Variants in GRID2 observed in about 807,000 individuals in gnomAD.
GRID2 encodes glutamate ionotropic receptor delta type subunit 2, also known as glutamate receptor ionotropic, delta-2.
A neutral mutation model predicts 114.8 loss-of-function variants in GRID2; 33 were observed. The observed-to-expected ratio is 0.29, with a 90% CI of 0.22 to 0.38. GRID2 has a LOEUF of 0.38. Among genes scored for constraint, GRID2 ranks in the 10% least tolerant of loss-of-function variants. GRID2 has a pLI of 1.00. For missense variants in GRID2, 1,184 were observed against 1,257.7 expected, an observed-to-expected ratio of 0.94 and a Z score of 0.89; for synonymous variants, 505 against 449.9, an observed-to-expected ratio of 1.12 and a Z score of -1.55.
intron 2 of GRID2, among the ~76,000 whole-genome samples, chr4:92,765,287 A>G (rs1459749326): frequency 6.6e-6 from 1 of 152,228 alleles, no homozygotes; most frequent in African/African-American, 2.4e-5. Context: ...CATGGAACTA[A>G]TTTCAGAGGA....
intron 8 of GRID2, among the ~76,000 whole-genome samples, chr4:93,334,978 A>G (rs1235974121): frequency 6.6e-6 from 1 of 152,156 alleles, no homozygotes; most frequent in East Asian, 1.9e-4. Flanking sequence ...GCTGTTTTTC[A>G]TAAACAATCA....
intron 8 of GRID2, among the ~76,000 whole-genome samples, chr4:93,316,339 A>AGAAAGAAAGAAAGAAAGAAGGAAG (rs1192535496): frequency 6.4e-4 from 35 of 55,010 alleles, no homozygotes; most frequent in African/African-American, 1.7e-3. Flanking sequence ...AAAGAAAGAA[A>AGAAAGAAAGAAAGAAAGAAGGAAG]GAAGGAAGGA....
intron 10 of GRID2, among the ~76,000 whole-genome samples, chr4:93,428,578 T>C (rs1236683000): frequency 1.3e-5 from 2 of 152,172 alleles, no homozygotes; most frequent in Non-Finnish European, 2.9e-5. Flanking sequence ...CAAAAATACT[T>C]TGGTGATCAA....
intron 2 of GRID2, among the ~76,000 whole-genome samples, chr4:92,974,773 G>A (rs1019913418): frequency 7.2e-5 from 11 of 151,964 alleles, no homozygotes; most frequent in African/African-American, 2.7e-4. Flanking sequence ...ACCAGGGCAC[G>A]TGTACATCTA....
At chr4:92,657,532 T>C (rs1732304091) in intron 2 of GRID2, among the ~76,000 whole-genome samples, 1 of 151,770 alleles carries the variant, frequency 6.6e-6, no homozygotes, top group South Asian at 2.1e-4. Context: ...GCTTAAATTA[T>C]ACCACTGGAT....
intron 2 of GRID2, among the ~76,000 whole-genome samples, chr4:92,928,749 C>A (rs576547243): frequency 3.3e-5 from 5 of 151,548 alleles, no homozygotes; most frequent in Non-Finnish European, 7.4e-5. Context: ...AAACACTGAA[C>A]AAAACATAGG....
intron 10 of GRID2, among the ~76,000 whole-genome samples, chr4:93,427,089 T>C (rs1468520908): frequency 1.3e-5 from 2 of 152,032 alleles, no homozygotes; most frequent in African/African-American, 4.8e-5. Context: ...AAGTTAAGGG[T>C]ACACAACATT....
intron 14 of GRID2, among the ~76,000 whole-genome samples, chr4:93,697,689 A>G (rs1727139889): frequency 1.3e-5 from 2 of 151,926 alleles, no homozygotes; most frequent in African/African-American, 2.4e-5. Context: ...CAAAATTTCA[A>G]TTAGATAAGT....
At chr4:93,700,008 A>G (rs1177450026) in intron 14 of GRID2, among the ~76,000 whole-genome samples, 3 of 152,198 alleles carry the variant, frequency 2.0e-5, no homozygotes, top group South Asian at 4.1e-4. Context: ...CCAGAAATGT[A>G]TGACACAGTG....
intron 1 of GRID2, among the ~76,000 whole-genome samples, chr4:92,400,135 T>G (rs548400662): frequency 6.6e-6 from 1 of 152,314 alleles, no homozygotes; most frequent in Non-Finnish European, 1.5e-5. Flanking sequence ...TTCTCTCTTT[T>G]AAAGTGTATA....
intron 1 of GRID2, among the ~76,000 whole-genome samples, chr4:92,432,697 T>C (rs2110343118): frequency 6.6e-6 from 1 of 152,258 alleles, no homozygotes; most frequent in South Asian, 2.1e-4. Flanking sequence ...AGCTAAGGCC[T>C]GGAATCAGGA....
At chr4:92,524,082 A>G in intron 1 of GRID2, among the ~76,000 whole-genome samples, 1 of 152,074 alleles carries the variant, frequency 6.6e-6, no homozygotes, top group East Asian at 1.9e-4. Flanking sequence ...AAGAGGAAGA[A>G]AGTCAAGGAA....
chr4:93,568,937 C>T (rs191058265), intron 13 of GRID2, among the ~76,000 whole-genome samples: 1 of 152,264 alleles, frequency 6.6e-6, no homozygotes, highest in Non-Finnish European at 1.5e-5. Flanking sequence ...CCCACCTCAA[C>T]CCTGCGCAAG....
chr4:93,150,173 G>C (rs1350741221), intron 4 of GRID2, among the ~76,000 whole-genome samples: 1 of 152,120 alleles, frequency 6.6e-6, no homozygotes, highest in Non-Finnish European at 1.5e-5. Context: ...CTGAGTTTCA[G>C]ATTTTCTGGG....
At chr4:93,261,275 A>G (rs1750226677) in intron 8 of GRID2, among the ~76,000 whole-genome samples, 1 of 151,886 alleles carries the variant, frequency 6.6e-6, no homozygotes, top group African/African-American at 2.4e-5. Flanking sequence ...ACTTTACGAA[A>G]GTGCTTTATA....
intron 2 of GRID2, among the ~76,000 whole-genome samples, chr4:92,948,390 A>T (rs1045977262): frequency 3.3e-5 from 5 of 151,844 alleles, no homozygotes; most frequent in Admixed American, 1.3e-4. Flanking sequence ...AATTTTGTAA[A>T]GGTTATTTTT....
chr4:92,955,953 T>G (rs970196641), intron 2 of GRID2, among the ~76,000 whole-genome samples: 1 of 152,154 alleles, frequency 6.6e-6, no homozygotes, highest in Non-Finnish European at 1.5e-5. Flanking sequence ...TCTCCTGACC[T>G]CGTGATCTGC....
intron 1 of GRID2, among the ~76,000 whole-genome samples, chr4:92,486,844 A>C (rs1339642273): frequency 6.6e-6 from 1 of 151,984 alleles, no homozygotes; most frequent in Non-Finnish European, 1.5e-5. Flanking sequence ...CATCTCTAAA[A>C]AATTTTTAAT....
intron 8 of GRID2, among the ~76,000 whole-genome samples, chr4:93,383,779 T>A (rs565469110): frequency 1.9e-3 from 285 of 152,226 alleles, no homozygotes; most frequent in Non-Finnish European, 3.2e-3. Flanking sequence ...TGGACCAGCC[T>A]TTTTTTATTT....
Sources: gnomAD v4.1 joint callset for allele counts (sites outside exome capture counted in the v4.1 genomes callset) on GRCh38, gnomAD v4.1.1 for gene constraint, MANE v1.5 for transcripts, NCBI Gene and HGNC (gene_info 2026-07-23, HGNC 2026-07-21) for gene names.